The following TNNI3K variants were observed in gnomAD, a reference collection of about 807,000 sequenced individuals.
TNNI3K encodes TNNI3 interacting kinase.
Under a neutral mutation model 114.5 loss-of-function variants are expected in TNNI3K, and 140 were observed. That is an observed-to-expected ratio of 1.22 (90% CI 1.07 to 1.41). TNNI3K has a LOEUF of 1.41. Among genes scored for constraint, TNNI3K ranks in the 40% most tolerant of loss-of-function variants. TNNI3K has a pLI of 0.00. For missense variants in TNNI3K, 1,125 were observed against 1,007.6 expected (o/e 1.12, Z -1.58); for synonymous variants, 347 against 347.5 (o/e 1.00, Z 0.02).
intron 2 of TNNI3K, among the ~76,000 whole-genome samples, chr1:74,247,986 A>T (rs1373196602): frequency 6.7e-6 from 1 of 150,164 alleles, no homozygotes; most frequent in Admixed American, 6.6e-5. Context: ...GTTGCCTGGG[A>T]GCCCACGGGG....
intron 19 of TNNI3K, among the ~76,000 whole-genome samples, chr1:74,437,351 T>G (rs760506528): frequency 5.9e-5 from 9 of 152,034 alleles, no homozygotes; most frequent in Non-Finnish European, 1.2e-4. Flanking sequence ...AAGTTCTCAT[T>G]CCTATGGAGC....
intron 23 of TNNI3K, among the ~76,000 whole-genome samples, chr1:74,505,755 T>C (rs945450110): frequency 6.6e-6 from 1 of 152,162 alleles, no homozygotes; most frequent in South Asian, 2.1e-4. Context: ...ATTTAGTTAA[T>C]GGCAACTAAC....
chr1:74,467,408 T>C (rs2100729331), intron 21 of TNNI3K, among the ~76,000 whole-genome samples: 1 of 152,118 alleles, frequency 6.6e-6, no homozygotes, highest in South Asian at 2.1e-4. Flanking sequence ...CAGGATGTCT[T>C]CTTAGTCAAA....
chr1:74,541,359 T>C (rs1256267531), intron 24 of TNNI3K, among the ~76,000 whole-genome samples: 2 of 152,150 alleles, frequency 1.3e-5, no homozygotes, highest in Non-Finnish European at 2.9e-5. Context: ...AAAGGGAAAT[T>C]TTGTGCTTCT....
chr1:74,511,293 A>G (rs1251840703), intron 23 of TNNI3K, among the ~76,000 whole-genome samples: 7 of 152,160 alleles, frequency 4.6e-5, no homozygotes, highest in Admixed American at 4.6e-4. Context: ...CCCGGGTTCA[A>G]GCAATTCTCG....
chr1:74,327,159 T>G (rs1211865276), intron 5 of TNNI3K, among the ~76,000 whole-genome samples: 1 of 151,412 alleles, frequency 6.6e-6, no homozygotes, highest in Non-Finnish European at 1.5e-5. Context: ...TGGAGGAACT[T>G]CACTTGGATG....
rs758180194 is a variant in TNNI3K, at chr1:74,540,355, CT to C, written c.2431+43del. On this transcript the variant is annotated intron_variant, in intron 24 of 24. Transcript: ENST00000326637. ...TTTAGGTTTGTTAAGAAAACTACCC[CT>C]AGGAAGGTGATGTCTATTTGACAAA... is the stretch of plus-strand genomic sequence containing the variant. 7.8e-5 allele frequency: 123 copies of C among 1,579,418 alleles called. No individual in the cohort carries two copies. In the African/African-American group the frequency reaches 1.4e-3, roughly 17 times the overall value.
chr1:74,450,482 G>C (rs1207985520), intron 20 of TNNI3K, among the ~76,000 whole-genome samples: 1 of 151,914 alleles, frequency 6.6e-6, no homozygotes, highest in East Asian at 1.9e-4. Context: ...CTACCAAATA[G>C]AAAATGTTTA....
At chr1:74,280,859 T>C (rs539112927) in intron 5 of TNNI3K, among the ~76,000 whole-genome samples, 1 of 151,920 alleles carries the variant, frequency 6.6e-6, no homozygotes, top group East Asian at 1.9e-4. Flanking sequence ...ACCAAGGGAG[T>C]ACTTGCATCA....
intron 17 of TNNI3K, among the ~76,000 whole-genome samples, chr1:74,404,709 AT>A (rs1664532218): frequency 6.6e-6 from 1 of 152,164 alleles, no homozygotes; most frequent in Admixed American, 6.5e-5. Flanking sequence ...CTATGGACTC[AT>A]TTTACCTAAT....
At chr1:74,298,970 G>A (rs1262344103) in intron 5 of TNNI3K, among the ~76,000 whole-genome samples, 2 of 152,018 alleles carry the variant, frequency 1.3e-5, no homozygotes, top group African/African-American at 2.4e-5. Flanking sequence ...TAGGAAACAC[G>A]GTGAAAGGAA....
chr1:74,253,868 A>T (rs1300319018), intron 4 of TNNI3K, among the ~76,000 whole-genome samples: 2 of 152,196 alleles, frequency 1.3e-5, no homozygotes, highest in African/African-American at 2.4e-5. Context: ...AGGCACCAAG[A>T]GCGAGCGAGG....
intron 22 of TNNI3K, among the ~76,000 whole-genome samples, chr1:74,489,574 T>C (rs1668945046): frequency 6.6e-6 from 1 of 152,204 alleles, no homozygotes; most frequent in Non-Finnish European, 1.5e-5. Context: ...TCAATTTTTA[T>C]GCAAAAATTC....
chr1:74,458,300 T>C (rs955328438), intron 20 of TNNI3K, among the ~76,000 whole-genome samples: 1 of 152,218 alleles, frequency 6.6e-6, no homozygotes, highest in African/African-American at 2.4e-5. Flanking sequence ...CTGTCTTCCC[T>C]GCTTCATCTT....
chr1:74,471,417 C>T (rs1439809360), intron 21 of TNNI3K: 3 of 400,526 alleles, frequency 7.5e-6, no homozygotes, highest in Non-Finnish European at 1.3e-5. Flanking sequence ...GGAGACTTGA[C>T]AAGGATTTTT....
At position 74,331,518 on chromosome 1, in the gene TNNI3K, G is replaced by A. The variant is rs1230644275; in HGVS notation, c.513G>A (p.Leu171=). 4 of 1,613,592 alleles carry A rather than the reference G, an allele frequency of 2.5e-6. No homozygotes were observed. The highest frequency in any genetic ancestry group is 3.4e-6 in the Non-Finnish European group (4 of 1,179,740). The part of the protein sequence containing the change: ...NIQDAVFFTP[L]HIAAYYGHEQ... ...AAGATGCAGTTTTTTTCACTCCATT[G>A]CATATTGCAGCGTACTATGGACATG... The change falls in exon 6 of 25, where the codon TTG becomes TTA. Residue 171 remains leucine (L), a synonymous_variant. Transcript: ENST00000326637.
intron 11 of TNNI3K, among the ~76,000 whole-genome samples, chr1:74,354,984 G>GAT (rs2100483250): frequency 6.6e-6 from 1 of 152,188 alleles, no homozygotes; most frequent in East Asian, 1.9e-4. Flanking sequence ...TTGTTATTGA[G>GAT]ATATATTTGC....
chr1:74,301,339 G>C (rs1033254397), intron 5 of TNNI3K, among the ~76,000 whole-genome samples: 4 of 152,076 alleles, frequency 2.6e-5, no homozygotes, highest in Non-Finnish European at 4.4e-5. Context: ...GGCAGAGGTT[G>C]CAGTGAGCCG....
intron 21 of TNNI3K, chr1:74,468,285 A>G (rs1175579440): frequency 6.6e-6 from 1 of 152,088 alleles, no homozygotes; most frequent in Non-Finnish European, 1.5e-5. Flanking sequence ...AAGGAAAAAG[A>G]AAGATAGCTA....
Sources: gnomAD v4.1 joint callset for allele counts (sites outside exome capture counted in the v4.1 genomes callset) on GRCh38, gnomAD v4.1.1 for gene constraint, MANE v1.5 for transcripts, NCBI Gene and HGNC (gene_info 2026-07-23, HGNC 2026-07-21) for gene names.